The following ODAD1 variants were observed in gnomAD, a reference collection of about 807,000 sequenced individuals.
The protein encoded by ODAD1 is outer dynein arm docking complex subunit 1.
A neutral mutation model predicts 67.2 loss-of-function variants in ODAD1; 49 were observed. The observed-to-expected ratio is 0.73, with a 90% confidence interval of 0.58 to 0.92. The LOEUF is 0.92. Ranked by LOEUF, ODAD1 falls within the 40% of genes least tolerant of loss-of-function variation. The pLI, the probability that ODAD1 is intolerant of heterozygous loss-of-function variation, is 0.00. For synonymous variants in ODAD1, 345 were observed against 393.7 expected (o/e 0.88, Z 1.46); for missense variants, 897 against 953.7 (o/e 0.94, Z 0.78).
chr19:48,313,184 T>C lies in ODAD1; in HGVS notation c.361-1068A>G, dbSNP rs142829650. ...TGGCTCACACCTGTAATCCCAGCAC[T>C]CTGGGAGGCAGAGGTGGGTGAATCA... On this transcript the variant is annotated intron_variant, in intron 5 of 15. Coordinates refer to ENST00000674294, the MANE Select transcript of ODAD1 (RefSeq NM_001364171.2). 5.3e-5 allele frequency among the ~76,000 whole-genome samples: 8 copies of C among 152,180 alleles called. No homozygotes were observed. In the East Asian group the frequency reaches 1.4e-3, roughly 26 times the overall value.
chr19:48,307,126 G>A (rs1408052041), intron 7 of ODAD1, among the ~76,000 whole-genome samples: 2 of 152,000 alleles, frequency 1.3e-5, no homozygotes, highest in Non-Finnish European at 2.9e-5. Flanking sequence ...GGAGGTTGTG[G>A]TGAGCCGAGA....
At chr19:48,306,208 T>A (rs569437283) in intron 8 of ODAD1, 48 bp downstream of exon 8, 2 of 1,550,636 alleles carry the variant, frequency 1.3e-6, no homozygotes, top group Non-Finnish European at 1.7e-6. Context: ...GAAAGGTGCG[T>A]CCTGAGTCAT....
chr19:48,299,873 A>G (rs34544030), intron 12 of ODAD1, among the ~76,000 whole-genome samples: 26,410 of 143,026 alleles, frequency 0.18, 2,392 homozygotes, highest in Middle Eastern at 0.23. Context: ...AGAAGGGATT[A>G]AAAAAAAAAA....
Position 48,303,696 on chromosome 19 carries a change from C to A in ODAD1, c.942G>T (p.Leu314=), listed in dbSNP as rs1329590699. The A allele has an allele frequency of 6.2e-7, 1 of 1,614,042 alleles. No homozygotes were observed. Among genetic ancestry groups the A allele is most frequent in the Non-Finnish European group, 8.5e-7 (1 of 1,180,010 alleles). The change falls in exon 10 of 16, where the codon CTG becomes CTT. Residue 314 remains leucine (L), a synonymous_variant. Transcript: ENST00000674294. ...ACAGGTCAGGGTCACTCTCCCCCAT[C>A]AGCTGGGACAGTTTATTCAGGGCGT... ...YEDALNKLSQ[L]MGESDPDLLV...
chr19:48,308,509 TAA>T (rs35411519), intron 7 of ODAD1, among the ~76,000 whole-genome samples: 39,303 of 152,046 alleles, frequency 0.26, 5,962 homozygotes, highest in African/African-American at 0.43. Context: ...TGCGATCTTA[TAA>T]ATGTGGGAGA....
Position 48,318,785 on chromosome 19 carries a change from C to G in ODAD1, c.98G>C (p.Arg33Pro). Reference protein sequence around the residue: ...MVDWELSRLQRQCKVMEGERR... With the variant: ...MVDWELSRLQPQCKVMEGERR... ...CTCCCCTTCCATCACTTTGCATTGTCGCTGCAGCCTACTCAGCTCCCAATC... is the reference window on the plus strand; with the variant it reads ...CTCCCCTTCCATCACTTTGCATTGTGGCTGCAGCCTACTCAGCTCCCAATC... Residue 33 changes from arginine (R) to proline (P), a missense_variant, in exon 4 of 16, where the codon CGA becomes CCA. By Grantham distance (103) the Arg-to-Pro change is moderately radical. Transcript: ENST00000674294. 6.4e-7 allele frequency: 1 copy of G among 1,551,068 alleles called. No individual in the cohort carries two copies.
chr19:48,297,901 C>T (rs1968347745), intron 14 of ODAD1, 99 bp downstream of exon 14: 2 of 999,866 alleles, frequency 2.0e-6, no homozygotes, highest in Non-Finnish European at 2.9e-6. Context: ...CATCCGCCAG[C>T]CAGTCCCCAA....
At position 48,311,764 on chromosome 19, in the gene ODAD1, C is replaced by T. The variant is rs1968771146; in HGVS notation, c.484-98G>A. The T allele has an allele frequency of 3.5e-6, 3 of 863,676 alleles. No homozygotes were observed. In the East Asian group the frequency reaches 8.0e-5, roughly 23 times the overall value. The allele number at this position is 863,676 out of a possible 1,614,324, so 53.5% of individuals were successfully genotyped here. On this transcript the variant is annotated intron_variant, in intron 6 of 15. Transcript: ENST00000674294. Reference sequence around the variant, plus strand: ...GAGGAGACACTTATCAGAGGTTGGGCCGGCCTGTTTCCTGAGAAACAGAGG... The same window carrying T: ...GAGGAGACACTTATCAGAGGTTGGGTCGGCCTGTTTCCTGAGAAACAGAGG...
chr19:48,304,436 T>C (rs1029171151), intron 8 of ODAD1, among the ~76,000 whole-genome samples: 1 of 152,078 alleles, frequency 6.6e-6, no homozygotes, highest in Non-Finnish European at 1.5e-5. Flanking sequence ...CTGGCCAACA[T>C]GGTGAAACTC....
At chr19:48,315,696 TTC>T (rs1333707361) in intron 5 of ODAD1, among the ~76,000 whole-genome samples, 1 of 152,214 alleles carries the variant, frequency 6.6e-6, no homozygotes, top group Non-Finnish European at 1.5e-5. Context: ...CTCATCTGTT[TTC>T]TGTCACTATA....
intron 12 of ODAD1, chr19:48,301,210 G>C (rs1423932241): frequency 1.3e-5 from 2 of 152,242 alleles, no homozygotes; most frequent in Non-Finnish European, 2.9e-5. Context: ...GCTCGCATAG[G>C]TGAGAGCATA....
intron 2 of ODAD1, 108 bp from the exon 3 acceptor site, chr19:48,320,499 A>G (rs1969004996): frequency 1.0e-5 from 5 of 493,350 alleles, no homozygotes; most frequent in Admixed American, 3.8e-5. Context: ...GTGACCCTAG[A>G]ACCACGCTGG....
At chr19:48,312,570 C>T (rs998029597) in intron 5 of ODAD1, among the ~76,000 whole-genome samples, 1 of 152,008 alleles carries the variant, frequency 6.6e-6, no homozygotes, top group Middle Eastern at 3.2e-3. Flanking sequence ...GCACGTACCA[C>T]CACACCCAGC....
chr19:48,320,075 G>A, intron 3 of ODAD1: 1 of 1,067,672 alleles, frequency 9.4e-7, no homozygotes. Context: ...GGAGTTCTGG[G>A]CCCCACTCAA....
At position 48,311,635 on chromosome 19, in the gene ODAD1, C is replaced by T. The variant is rs369531391; in HGVS notation, c.515G>A (p.Arg172Gln). 1.7e-5 allele frequency: 27 copies of T among 1,550,978 alleles called. No individual in the cohort carries two copies. In the South Asian group the frequency reaches 1.9e-4, roughly 11 times the overall value. The change falls in exon 7 of 16, where the codon CGG (arginine) becomes CAG (glutamine). Residue 172 changes from arginine to glutamine, a missense_variant. Arg to Gln is a conservative substitution (Grantham distance 43, BLOSUM62 1). Transcript: ENST00000674294. ...CAGCTCCTCCCGCAGGGCCGCATTC[C>T]GTACCAGCTGGTTGTCAAAGTGACA... ...VTCHFDNQLV[R>Q]NAALREELDL...
intron 12 of ODAD1, among the ~76,000 whole-genome samples, chr19:48,300,425 A>G (rs1400797154): frequency 1.3e-5 from 2 of 152,226 alleles, no homozygotes; most frequent in African/African-American, 4.8e-5. Flanking sequence ...GAGTTCAAAC[A>G]ATGAAACTTC....
chr19:48,298,298 A>G lies in ODAD1; in HGVS notation c.1283T>C (p.Met428Thr). The change falls in exon 13 of 16, where the codon ATG (methionine) becomes ACG (threonine). Residue 428 changes from methionine (M) to threonine (T), a missense_variant. Met to Thr is a moderately conservative substitution (Grantham distance 81, BLOSUM62 -1). Coordinates refer to ENST00000674294, the MANE Select transcript of ODAD1 (RefSeq NM_001364171.2). ...LFTKAHCDSS[M>T]IDDLLGVKTS... ...CTTGACCCCAAGGAGGTCATCGATC[A>G]TGCTGCTGTCGCAATGGGCCTTGGT... 6.2e-7 allele frequency: 1 copy of G among 1,614,200 alleles called. No homozygotes were observed. The highest frequency in any genetic ancestry group is 8.5e-7 in the Non-Finnish European group (1 of 1,180,034).
chr19:48,304,193 TG>T, intron 8 of ODAD1, 53 bp from the exon 9 acceptor site: 2 of 1,509,254 alleles, frequency 1.3e-6, no homozygotes, highest in African/African-American at 1.4e-5. Context: ...GGGGTCGGCC[TG>T]GGGTCCTGGG....
At chr19:48,314,324 T>A (rs1968843279) in intron 5 of ODAD1, among the ~76,000 whole-genome samples, 1 of 152,164 alleles carries the variant, frequency 6.6e-6, no homozygotes, top group Non-Finnish European at 1.5e-5. Context: ...CCTGCCTACA[T>A]CTTGATCTTG....
Sources: allele counts gnomAD v4.1 joint callset (sites outside exome capture counted in the v4.1 genomes callset), GRCh38; gene constraint gnomAD v4.1.1; transcripts MANE v1.5; gene names NCBI Gene and HGNC (gene_info 2026-07-23, HGNC 2026-07-21).